BCAR1: variants seen among roughly 807,000 people sequenced by gnomAD.
The protein encoded by BCAR1 is BCAR1 scaffold protein, Cas family member.
In BCAR1, 30 loss-of-function variants were observed where a neutral mutation model predicts 67.6. That is an observed-to-expected ratio of 0.44 (90% CI 0.33 to 0.60). The LOEUF is 0.60. Among genes scored for constraint, BCAR1 ranks in the 20% least tolerant of loss-of-function variants. BCAR1 has a pLI of 0.02. For missense variants in BCAR1, 1,313 were observed against 1,222.3 expected (o/e 1.07, Z -1.11); for synonymous variants, 626 against 556.7 (o/e 1.12, Z -1.75).
In BCAR1 at chr16:75,265,628, A is replaced by G. The variant is rs1406550330; in HGVS notation, c.66+2287T>C. Reference sequence around the variant, plus strand: ...CCCGATCCAGCTCTCCTGAAAGAGGATGGAAAGGCGGGGGCAGAGAGGCCG... The same window carrying G: ...CCCGATCCAGCTCTCCTGAAAGAGGGTGGAAAGGCGGGGGCAGAGAGGCCG... On this transcript the variant is annotated intron_variant, in intron 1 of 6. Transcript: ENST00000393422. Among the ~76,000 whole-genome samples, 6 of 151,784 alleles carry G rather than the reference A, an allele frequency of 4.0e-5. No individual in the cohort carries two copies. The South Asian group carries it at 1.2e-3, about 31-fold the overall frequency.
intron 3 of BCAR1, 80 bp from the exon 4 acceptor site, chr16:75,237,078 C>T: frequency 2.0e-6 from 3 of 1,517,372 alleles, no homozygotes; most frequent in Non-Finnish European, 2.7e-6. Context: ...GCAGCACCGT[C>T]CCCAGGCCTG....
chr16:75,235,998 G>A lies in BCAR1; in HGVS notation c.913-12C>T. 1 of 1,561,042 alleles carries A rather than the reference G, an allele frequency of 6.4e-7. No homozygotes were observed. The highest frequency in any genetic ancestry group is 8.7e-7 in the Non-Finnish European group (1 of 1,152,582). ...GGAACGTCGTAGACCTGGGGGACAA[G>A]CGGTGGTCAAGACTGTCCATCTGTC... On this transcript the variant is annotated splice_polypyrimidine_tract_variant and intron_variant, in intron 4 of 6. Coordinates refer to ENST00000162330, the MANE Select transcript of BCAR1 (RefSeq NM_014567.5).
intron 2 of BCAR1, 51 bp downstream of exon 2, chr16:75,242,418 AG>A: frequency 7.4e-7 from 1 of 1,345,106 alleles, no homozygotes. Context: ...CCCACAAACC[AG>A]GGCCTGGGCT....
intron 1 of BCAR1, chr16:75,265,698 G>A (rs2077994298): frequency 9.5e-7 from 1 of 1,053,864 alleles, no homozygotes; most frequent in Non-Finnish European, 1.2e-6. Flanking sequence ...CCCCGGGGCC[G>A]AGGAGGCCCC....
intron 1 of BCAR1, among the ~76,000 whole-genome samples, chr16:75,262,195 G>C (rs1438955086): frequency 6.6e-6 from 1 of 152,180 alleles, no homozygotes; most frequent in Non-Finnish European, 1.5e-5. Flanking sequence ...GAGTGGCTGA[G>C]ATCCCAGGCT....
In BCAR1 at chr16:75,242,768, T is replaced by C. The variant is rs1251155355; in HGVS notation, c.335A>G (p.Asp112Gly). The change falls in exon 2 of 7, where the codon GAC becomes GGC. Residue 112 changes from aspartate (D) to glycine (G), a missense_variant. Transcript: ENST00000162330. ...MLPNTYQPQP[D>G]SVYLVPTPSK... ...GGGAGTGGGCACCAGGTAGACGCTG[T>C]CTGGCTGGGGCTGGTAGGTGTTGGG... The C allele has an allele frequency of 6.3e-6, 10 of 1,596,556 alleles. No homozygotes were observed. In the African/African-American group the frequency reaches 1.2e-4, roughly 19 times the overall value.
At chr16:75,236,299 T>A (rs2077132237) in intron 4 of BCAR1, 2 of 460,236 alleles carry the variant, frequency 4.3e-6, no homozygotes, top group South Asian at 6.9e-5. Context: ...CCCAAAGAAT[T>A]GCATGTGTTA....
In BCAR1 at chr16:75,242,965, G is replaced by A; in HGVS notation, c.138C>T (p.Cys46=). ...DTQGLDGWWL[C]SLHGRQGIVP... ...CGATGCCCTGGCGCCCATGCAGCGA[G>A]CAGAGCCACCAGCCGTCCAGGCCCT... is the stretch of plus-strand genomic sequence containing the variant. Residue 46 remains cysteine (C), a synonymous_variant, in exon 2 of 7, where the codon TGC becomes TGT. Coordinates refer to ENST00000162330, the MANE Select transcript of BCAR1 (RefSeq NM_014567.5). 6.2e-7 allele frequency: 1 copy of A among 1,613,384 alleles called. No homozygotes were observed. Among genetic ancestry groups the A allele is most frequent in the Non-Finnish European group, 8.5e-7 (1 of 1,179,908 alleles).
At chr16:75,244,205 G>A (rs562358110) in intron 1 of BCAR1, among the ~76,000 whole-genome samples, 4 of 152,350 alleles carry the variant, frequency 2.6e-5, no homozygotes, top group African/African-American at 4.8e-5. Flanking sequence ...GTCTCCTGGC[G>A]TCTTAGATGT....
chr16:75,242,904 A>C lies in BCAR1; in HGVS notation c.199T>G (p.Tyr67Asp). 6.2e-7 allele frequency: 1 copy of C among 1,612,042 alleles called. No homozygotes were observed. The highest frequency in any genetic ancestry group is 8.5e-7 in the Non-Finnish European group (1 of 1,179,734). The change falls in exon 2 of 7, where the codon TAT (tyrosine) becomes GAT (aspartate). Residue 67 changes from tyrosine (Y) to aspartate (D), a missense_variant. Physicochemically the swap from Tyr to Asp is radical, Grantham distance 160. Around this residue, in one of 2 missense-constraint regions of BCAR1, gnomAD observed 1,272 missense variants for 1,137.5 expected, o/e 1.12. Transcript: ENST00000162330. ...CCAGGCCCTGCTGGCTTCTTATCAT[A>C]CATGCCCACCAAGATCTTGAGGCGG... ...GNRLKILVGMYDKKPAGPGPG... is the reference protein window; with the variant it reads ...GNRLKILVGMDDKKPAGPGPG...
chr16:75,262,878 C>G (rs1401559256), intron 1 of BCAR1, among the ~76,000 whole-genome samples: 1 of 152,192 alleles, frequency 6.6e-6, no homozygotes, highest in Non-Finnish European at 1.5e-5. Flanking sequence ...AGAGGTGACA[C>G]AAACTCATCT....
chr16:75,241,988 C>T (rs796106270), intron 2 of BCAR1, among the ~76,000 whole-genome samples: 8 of 152,306 alleles, frequency 5.3e-5, no homozygotes, highest in African/African-American at 1.9e-4. Flanking sequence ...CCATACGCAC[C>T]CGCTGGCCCC....
upstream of BCAR1, chr16:75,251,684 CCG>C (rs1043871608): frequency 8.0e-6 from 8 of 994,100 alleles, no homozygotes; most frequent in Middle Eastern, 5.1e-4. Context: ...GCATGCCCGG[CCG>C]CGCGCGCCCA....
At chr16:75,258,756 G>A (rs2077833652) in intron 1 of BCAR1, among the ~76,000 whole-genome samples, 1 of 152,262 alleles carries the variant, frequency 6.6e-6, no homozygotes, top group African/African-American at 2.4e-5. Flanking sequence ...GGCCGCAGGA[G>A]CACACAGAAG....
intron 5 of BCAR1, 66 bp downstream of exon 5, chr16:75,234,823 T>C (rs2077042043): frequency 2.7e-6 from 4 of 1,505,308 alleles, no homozygotes; most frequent in Non-Finnish European, 3.5e-6. Context: ...TGAGAACAAA[T>C]CTCCCCCTAA....
chr16:75,263,574 G>A, intron 1 of BCAR1: 1 of 985,422 alleles, frequency 1.0e-6, no homozygotes, highest in Non-Finnish European at 1.2e-6. Context: ...CTGATCCCCG[G>A]CATCTCCCCT....
chr16:75,240,295 G>A (rs1567603120), intron 2 of BCAR1, among the ~76,000 whole-genome samples: 1 of 152,144 alleles, frequency 6.6e-6, no homozygotes, highest in Non-Finnish European at 1.5e-5. Context: ...GCATTTGAGG[G>A]GCAGGCCTGA....
chr16:75,248,210 G>A (rs996637295), intron 1 of BCAR1: 2 of 1,551,228 alleles, frequency 1.3e-6, no homozygotes, highest in African/African-American at 1.4e-5. Context: ...TGGGTTCGTG[G>A]AAACCACCAG....
chr16:75,239,291 G>A (rs1567601570), intron 2 of BCAR1, among the ~76,000 whole-genome samples: 1 of 152,124 alleles, frequency 6.6e-6, no homozygotes. Context: ...CAGAGGCACA[G>A]TCACTGACAT....
Sources: allele counts gnomAD v4.1 joint callset (sites outside exome capture counted in the v4.1 genomes callset), GRCh38; gene constraint gnomAD v4.1.1; regional missense constraint gnomAD v4.1.1; transcripts MANE v1.5; gene names NCBI Gene and HGNC (gene_info 2026-07-23, HGNC 2026-07-21).